The following PRKAR1B variants were observed in gnomAD, a reference collection of about 807,000 sequenced individuals.
The protein encoded by PRKAR1B is cAMP-dependent protein kinase type I-beta regulatory subunit.
Under a neutral mutation model 46.5 loss-of-function variants are expected in PRKAR1B, and 22 were observed. That is an observed-to-expected ratio of 0.47 (90% CI 0.34 to 0.68). PRKAR1B has a LOEUF of 0.68. Among genes scored for constraint, PRKAR1B ranks in the 30% least tolerant of loss-of-function variants. PRKAR1B has a pLI of 0.01. For missense variants in PRKAR1B, 445 were observed against 535.6 expected (o/e 0.83, Z 1.67); for synonymous variants, 259 against 217.7 (o/e 1.19, Z -1.67).
rs187261394 is a variant in PRKAR1B at position 663,664 on chromosome 7, T to C, written c.440+13565A>G. 6.9e-3 allele frequency among the ~76,000 whole-genome samples: 1,048 copies of C among 152,212 alleles called. 12 individuals carry two copies. Among genetic ancestry groups the C allele is most frequent in the African/African-American group, 0.024 (993 of 41,526 alleles). The stretch of plus-strand genomic sequence containing the variant: ...GGTCAAACCAGGGTGCATGTGGTGG[T>C]CTGGGCAGCAGCGGTGGCCCGAAGC... On this transcript the variant is annotated intron_variant, in intron 4 of 10. Transcript: ENST00000537384.
chr7:641,053 C>A (rs902289396), intron 4 of PRKAR1B, among the ~76,000 whole-genome samples: 2 of 151,948 alleles, frequency 1.3e-5, no homozygotes, highest in Non-Finnish European at 2.9e-5. Context: ...CCCGGGTTCA[C>A]GCCATTCTCC....
chr7:670,044 A>G (rs1786145884), intron 4 of PRKAR1B, among the ~76,000 whole-genome samples: 1 of 150,242 alleles, frequency 6.7e-6, no homozygotes. Flanking sequence ...TTTTTTTTGT[A>G]TTTTTAGTAG....
At chr7:617,635 C>T (rs1583309527) in intron 4 of PRKAR1B, among the ~76,000 whole-genome samples, 1 of 152,314 alleles carries the variant, frequency 6.6e-6, no homozygotes, top group East Asian at 1.9e-4. Flanking sequence ...GTGATGGGTC[C>T]TTGTCACCGA....
chr7:651,313 C>T (rs974504108), intron 4 of PRKAR1B, among the ~76,000 whole-genome samples: 35 of 152,224 alleles, frequency 2.3e-4, no homozygotes, highest in African/African-American at 8.2e-4. Context: ...GAAGCATGAT[C>T]CATGTTGACT....
chr7:725,554 G>C (rs1781231336), intron 1 of PRKAR1B, among the ~76,000 whole-genome samples: 1 of 152,164 alleles, frequency 6.6e-6, no homozygotes, highest in Non-Finnish European at 1.5e-5. Context: ...GTTATTTCTT[G>C]GGAGTAGGCC....
At chr7:633,305 G>A (rs1258182773) in intron 4 of PRKAR1B, among the ~76,000 whole-genome samples, 1 of 152,152 alleles carries the variant, frequency 6.6e-6, no homozygotes. Context: ...ACCACACATA[G>A]GCAAATCGAC....
At chr7:616,335 T>C (rs1583307836) in intron 4 of PRKAR1B, among the ~76,000 whole-genome samples, 1 of 151,912 alleles carries the variant, frequency 6.6e-6, no homozygotes, top group Non-Finnish European at 1.5e-5. Context: ...GGACCTTCCT[T>C]CCCCCTCCAC....
At chr7:573,379 GC>G (rs1190402938) in intron 9 of PRKAR1B, among the ~76,000 whole-genome samples, 1 of 151,674 alleles carries the variant, frequency 6.6e-6, no homozygotes, top group Non-Finnish European at 1.5e-5. Context: ...GGCACCCTGC[GC>G]AGCGCTCTGC....
chr7:568,040 T>C (rs1315165134), intron 9 of PRKAR1B, among the ~76,000 whole-genome samples: 3 of 152,242 alleles, frequency 2.0e-5, no homozygotes, highest in African/African-American at 7.2e-5. Flanking sequence ...TCACGTTATC[T>C]GTATTTTATC....
At chr7:726,306 T>A (rs1395067249) in intron 1 of PRKAR1B, among the ~76,000 whole-genome samples, 1 of 152,154 alleles carries the variant, frequency 6.6e-6, no homozygotes, top group Non-Finnish European at 1.5e-5. Flanking sequence ...GGAACGGACC[T>A]TCCCAAAGCC....
At chr7:558,451 G>T (rs1778588240) in intron 9 of PRKAR1B, among the ~76,000 whole-genome samples, 1 of 151,728 alleles carries the variant, frequency 6.6e-6, no homozygotes, top group Admixed American at 6.6e-5. Context: ...GGGCAGGTAT[G>T]ACTTTGATCA....
intron 4 of PRKAR1B, among the ~76,000 whole-genome samples, chr7:610,999 G>A (rs191614158): frequency 7.8e-4 from 119 of 152,226 alleles, no homozygotes; most frequent in African/African-American, 2.4e-3. Flanking sequence ...CATTCCAGCC[G>A]GCCCTTCCTG....
intron 4 of PRKAR1B, among the ~76,000 whole-genome samples, chr7:614,928 T>C (rs1019424973): frequency 1.3e-5 from 2 of 150,722 alleles, no homozygotes; most frequent in African/African-American, 4.9e-5. Flanking sequence ...GGTAAAAAAT[T>C]CAGCTGGGCA....
At chr7:569,076 A>G (rs1779345481) in intron 9 of PRKAR1B, among the ~76,000 whole-genome samples, 1 of 152,044 alleles carries the variant, frequency 6.6e-6, no homozygotes. Flanking sequence ...TAACAAAAAA[A>G]AAAATCAGAG....
At chr7:708,870 C>T (rs1780467183) in intron 2 of PRKAR1B, among the ~76,000 whole-genome samples, 1 of 150,868 alleles carries the variant, frequency 6.6e-6, no homozygotes, top group Non-Finnish European at 1.5e-5. Context: ...TTGCTCACTG[C>T]AACCTCCACC....
chr7:664,544 C>T (rs1185424578), intron 4 of PRKAR1B, among the ~76,000 whole-genome samples: 1 of 152,192 alleles, frequency 6.6e-6, no homozygotes, highest in Admixed American at 6.5e-5. Context: ...GACAACAAAA[C>T]GTGAACTGGC....
At chr7:557,806 T>G (rs1362527677) in intron 9 of PRKAR1B, among the ~76,000 whole-genome samples, 1 of 152,148 alleles carries the variant, frequency 6.6e-6, no homozygotes, top group African/African-American at 2.4e-5. Context: ...ATTGAGAGTC[T>G]GGGTTTTTTT....
At chr7:590,948 G>T (rs1780939912) in intron 7 of PRKAR1B, among the ~76,000 whole-genome samples, 1 of 152,158 alleles carries the variant, frequency 6.6e-6, no homozygotes, top group Non-Finnish European at 1.5e-5. Flanking sequence ...GATGCCCGGG[G>T]CAGTGGCAGG....
chr7:680,866 G>C, intron 2 of PRKAR1B, 140 bp from the exon 3 acceptor site: 2 of 960,038 alleles, frequency 2.1e-6, no homozygotes, highest in Non-Finnish European at 3.0e-6. Context: ...CATACGGTTA[G>C]GCTTTGTGTC....
Sources: allele counts gnomAD v4.1 joint callset (sites outside exome capture counted in the v4.1 genomes callset), GRCh38; gene constraint gnomAD v4.1.1; transcripts MANE v1.5; gene names NCBI Gene and HGNC (gene_info 2026-07-23, HGNC 2026-07-21).